The following CD72 variants were observed in gnomAD, a reference collection of about 807,000 sequenced individuals.
The protein encoded by CD72 is CD72 molecule, also known as B-cell differentiation antigen CD72.
CD72 carries 28 observed loss-of-function variants against 50.7 expected under a neutral mutation model. The ratio of observed to expected loss-of-function variants is 0.55; its 90% CI spans 0.41 to 0.76. The LOEUF is 0.76. Ranked by LOEUF, CD72 falls within the 30% of genes least tolerant of loss-of-function variation. CD72 has a pLI of 0.00. For missense variants in CD72, 403 were observed against 420.6 expected (o/e 0.96, Z 0.37); for synonymous variants, 176 against 171.2 (o/e 1.03, Z -0.22).
intron 3 of CD72, 42 bp from the exon 4 acceptor site, chr9:35,616,731 T>C (rs762263592): frequency 1.3e-6 from 2 of 1,507,918 alleles, no homozygotes; most frequent in South Asian, 2.3e-5. Context: ...TCAGCCCCCG[T>C]AAAGAATGTA....
In CD72 at chr9:35,618,228, C is replaced by G. The variant is rs1212570299; in HGVS notation, c.76G>C (p.Gly26Arg). Residue 26 changes from glycine (G) to arginine (R), a missense_variant, in exon 1 of 9, where the codon GGA (glycine) becomes CGA (arginine). By Grantham distance (125) the Gly-to-Arg change is moderately radical (BLOSUM62 -2). Transcript: ENST00000259633. ...GAGGCCTCATCCCCCTTACCCTGTC[C>G]TAACCGGCTGGAGATGCTCTTCTTC... Reference protein sequence around the residue: ...PLKKSISSRLGQDPGADDDGE... With the variant: ...PLKKSISSRLRQDPGADDDGE... The G allele has an allele frequency of 6.2e-7, 1 of 1,614,018 alleles. No individual in the cohort carries two copies. Among genetic ancestry groups the G allele is most frequent in the East Asian group, 2.2e-5 (1 of 44,896 alleles).
upstream of CD72, among the ~76,000 whole-genome samples, chr9:35,622,992 A>G (rs908333090): frequency 1.3e-5 from 2 of 152,150 alleles, no homozygotes; most frequent in African/African-American, 4.8e-5. Context: ...TTATGGTCTC[A>G]GCTTCTTGGG....
chr9:35,641,958 T>C (rs1165409578), intron 1 of CD72, among the ~76,000 whole-genome samples: 2 of 152,222 alleles, frequency 1.3e-5, no homozygotes, highest in African/African-American at 4.8e-5. Flanking sequence ...ACTTAGAGTC[T>C]GTATATATAT....
intron 7 of CD72, 147 bp from the exon 8 acceptor site, chr9:35,610,900 G>A: frequency 1.8e-6 from 1 of 556,992 alleles, no homozygotes; most frequent in Non-Finnish European, 3.2e-6. Context: ...GATGTCTGGA[G>A]TTCAACTAAA....
At chr9:35,633,514 T>A (rs565448326) in intron 1 of CD72, among the ~76,000 whole-genome samples, 4 of 152,288 alleles carry the variant, frequency 2.6e-5, no homozygotes, top group East Asian at 3.9e-4. Flanking sequence ...ATTCTTTTTT[T>A]AAAAACCAGT....
intron 6 of CD72, 132 bp from the exon 7 acceptor site, chr9:35,612,051 C>T (rs2131755363): frequency 1.7e-6 from 1 of 604,478 alleles, no homozygotes; most frequent in Non-Finnish European, 3.0e-6. Context: ...TAACTTGTCC[C>T]TGAATCCATC....
upstream of CD72, among the ~76,000 whole-genome samples, chr9:35,621,995 T>C (rs1823150193): frequency 6.6e-6 from 1 of 152,196 alleles, no homozygotes; most frequent in African/African-American, 2.4e-5. Context: ...AGTGTGTAAT[T>C]TATTAGAGCA....
chr9:35,619,976 G>A (rs1317394904), upstream of CD72, among the ~76,000 whole-genome samples: 1 of 150,726 alleles, frequency 6.6e-6, no homozygotes, highest in African/African-American at 2.4e-5. Context: ...CCCAGATACA[G>A]AGAGTGGTAT....
intron 1 of CD72, among the ~76,000 whole-genome samples, chr9:35,641,354 G>A (rs1050969739): frequency 1.3e-5 from 2 of 152,184 alleles, no homozygotes; most frequent in African/African-American, 4.8e-5. Flanking sequence ...GGAGGTTAAA[G>A]ATACAGGGAT....
chr9:35,630,774 A>G (rs1362171864), intron 1 of CD72, among the ~76,000 whole-genome samples: 1 of 152,198 alleles, frequency 6.6e-6, no homozygotes, highest in Non-Finnish European at 1.5e-5. Context: ...AATAAGAACA[A>G]TAATAGTGGC....
chr9:35,617,621 C>T (rs983661831), intron 2 of CD72, among the ~76,000 whole-genome samples: 1 of 152,156 alleles, frequency 6.6e-6, no homozygotes, highest in Non-Finnish European at 1.5e-5. Context: ...CACAGGGCTG[C>T]CCTATCCCTC....
intron 1 of CD72, among the ~76,000 whole-genome samples, chr9:35,643,701 G>A (rs1215329848): frequency 1.3e-5 from 2 of 152,166 alleles, no homozygotes; most frequent in Non-Finnish European, 2.9e-5. Flanking sequence ...GAAGGGGCCG[G>A]GCTGGGTAAC....
At chr9:35,621,741 A>G (rs1587905050), upstream of CD72, among the ~76,000 whole-genome samples, 2 of 152,218 alleles carry the variant, frequency 1.3e-5, no homozygotes, top group East Asian at 3.8e-4. Context: ...AAGGAGGGCC[A>G]GAGAGACGCC....
At chr9:35,631,893 A>T (rs958100943) in intron 1 of CD72, among the ~76,000 whole-genome samples, 1 of 143,690 alleles carries the variant, frequency 7.0e-6, no homozygotes, top group South Asian at 2.2e-4. Context: ...ACTCCACTCA[A>T]AATAAATAAA....
At chr9:35,630,279 C>A (rs1446468289) in intron 1 of CD72, among the ~76,000 whole-genome samples, 1 of 152,062 alleles carries the variant, frequency 6.6e-6, no homozygotes, top group African/African-American at 2.4e-5. Flanking sequence ...CTCAGGTGAT[C>A]CCCCCGCCTC....
At chr9:35,644,100 A>C (rs1823364916) in intron 1 of CD72, among the ~76,000 whole-genome samples, 1 of 150,472 alleles carries the variant, frequency 6.6e-6, no homozygotes, top group Non-Finnish European at 1.5e-5. Context: ...TAATCCCAAC[A>C]CTTTGGGAGG....
rs776002159 is a variant in CD72 at position 35,613,108 on chromosome 9, A to G, written c.689-115T>C. The G allele has an allele frequency of 1.5e-5, 13 of 842,638 alleles. No individual in the cohort carries two copies. The Admixed American group carries it at 1.8e-4, about 12-fold the overall frequency. The allele number at this position is 842,638 out of a possible 1,614,324, so 52.2% of individuals were successfully genotyped here. Reference sequence around the variant, plus strand: ...AATCTCAGCACCTTCATGGACTTCTATGATCTTTGCAATCTTTCTTTTGCA... The same window carrying G: ...AATCTCAGCACCTTCATGGACTTCTGTGATCTTTGCAATCTTTCTTTTGCA... On this transcript the variant is annotated intron_variant, in intron 5 of 8. Coordinates refer to ENST00000259633, the MANE Select transcript of CD72 (RefSeq NM_001782.3).
Position 35,616,098 on chromosome 9 carries a change from T to A in CD72, c.533A>T (p.His178Leu), listed in dbSNP as rs1393252379. ...CTGTAGCTGCCCTTCGGCCGCCTGA[T>A]GAGCCCTCTGTTCCACCTGTAGTGC... is the stretch of plus-strand genomic sequence containing the variant. ...QEALQVEQRA[H>L]QAAEGQLQAC... The change falls in exon 5 of 9, where the codon CAT becomes CTT. Residue 178 changes from histidine to leucine, a missense_variant. Physicochemically the swap from His to Leu is moderately conservative, Grantham distance 99 (BLOSUM62 -3). Coordinates refer to ENST00000259633, the MANE Select transcript of CD72 (RefSeq NM_001782.3). 2.5e-6 allele frequency: 4 copies of A among 1,613,198 alleles called. No homozygotes were observed. The highest frequency in any genetic ancestry group is 3.4e-6 in the Non-Finnish European group (4 of 1,179,136).
upstream of CD72, among the ~76,000 whole-genome samples, chr9:35,622,050 G>A (rs1587905114): frequency 6.6e-6 from 1 of 152,238 alleles, no homozygotes; most frequent in Non-Finnish European, 1.5e-5. Context: ...GTAATAGAAA[G>A]AATAGGGAGA....
Sources: allele counts gnomAD v4.1 joint callset (sites outside exome capture counted in the v4.1 genomes callset), GRCh38; gene constraint gnomAD v4.1.1; transcripts MANE v1.5; gene names NCBI Gene and HGNC (gene_info 2026-07-23, HGNC 2026-07-21).